The following AGBL1 variants were observed in gnomAD, a reference collection of about 807,000 sequenced individuals.
AGBL1 encodes the protein AGBL carboxypeptidase 1, also known as cytosolic carboxypeptidase 4.
A neutral mutation model predicts 118.9 loss-of-function variants in AGBL1; 130 were observed. The ratio of observed to expected loss-of-function variants is 1.09; its 90% confidence interval spans 0.95 to 1.26. The LOEUF is 1.26. Ranked by LOEUF, AGBL1 falls within the 50% of genes most tolerant of loss-of-function variation. AGBL1 has a pLI of 0.00. For missense variants in AGBL1, 1,584 were observed against 1,298.1 expected (o/e 1.22, Z -3.38); for synonymous variants, 555 against 478.9 (o/e 1.16, Z -2.08).
chr15:86,851,987 T>C (rs191135751), intron 22 of AGBL1, among the ~76,000 whole-genome samples: 8 of 152,290 alleles, frequency 5.3e-5, no homozygotes, highest in Admixed American at 4.6e-4. Flanking sequence ...TTGCTCACCA[T>C]TGTCATGGCA....
chr15:86,775,803 G>T (rs2078247775), intron 22 of AGBL1, among the ~76,000 whole-genome samples: 1 of 151,876 alleles, frequency 6.6e-6, no homozygotes, highest in Admixed American at 6.6e-5. Flanking sequence ...AAAACATTTA[G>T]AAAATATTAT....
chr15:86,525,977 C>A lies in AGBL1; in HGVS notation c.2685+3038C>A, dbSNP rs551979365. Among the ~76,000 whole-genome samples the A allele has an allele frequency of 3.3e-5, 5 of 152,146 alleles. No homozygotes were observed. In the South Asian group the frequency reaches 1.0e-3, roughly 32 times the overall value. ...TGCAAACTATACATCTGATAAAAGA[C>A]TAATATCCAAAATCTACAAGAAACT... On this transcript the variant is annotated intron_variant, in intron 19 of 22. Coordinates refer to ENST00000614907, the MANE Select transcript of AGBL1 (RefSeq NM_001386094.1).
intron 6 of AGBL1, among the ~76,000 whole-genome samples, chr15:86,237,486 T>C (rs1309057565): frequency 6.6e-6 from 1 of 152,142 alleles, no homozygotes; most frequent in African/African-American, 2.4e-5. Flanking sequence ...AGGTCTCTGA[T>C]TTTCTTCTTC....
intron 23 of AGBL1, among the ~76,000 whole-genome samples, chr15:86,949,795 G>T (rs2080860059): frequency 6.6e-6 from 1 of 152,016 alleles, no homozygotes; most frequent in Admixed American, 6.6e-5. Flanking sequence ...TAATTTATGA[G>T]CCTTTGTATA....
At chr15:86,437,642 C>A (rs8023402) in intron 18 of AGBL1, among the ~76,000 whole-genome samples, 1 of 152,148 alleles carries the variant, frequency 6.6e-6, no homozygotes, top group East Asian at 1.9e-4. Flanking sequence ...AGGCCTCTTA[C>A]AAGAACATCA....
chr15:86,182,967 A>C (rs983994929), intron 5 of AGBL1, among the ~76,000 whole-genome samples: 1 of 152,232 alleles, frequency 6.6e-6, no homozygotes, highest in Non-Finnish European at 1.5e-5. Context: ...GATGCTCCCC[A>C]TTATGGCTAA....
intron 1 of AGBL1, among the ~76,000 whole-genome samples, chr15:86,091,530 T>G (rs1896026520): frequency 6.6e-6 from 1 of 152,236 alleles, no homozygotes; most frequent in Admixed American, 6.5e-5. Context: ...TATGAAGTTA[T>G]CAATTCATAC....
intron 12 of AGBL1, 75 bp downstream of exon 12, chr15:86,266,532 C>T (rs1426565715): frequency 5.7e-6 from 6 of 1,049,836 alleles, no homozygotes; most frequent in Non-Finnish European, 8.3e-6. Context: ...GACATGTTTC[C>T]TGTTAATAAT....
At chr15:86,466,016 T>C (rs1247967263) in intron 18 of AGBL1, among the ~76,000 whole-genome samples, 2 of 152,198 alleles carry the variant, frequency 1.3e-5, no homozygotes, top group Non-Finnish European at 2.9e-5. Flanking sequence ...ACATGTGATG[T>C]CACCCCTGGA....
At chr15:86,210,375 G>A (rs545136203) in intron 5 of AGBL1, among the ~76,000 whole-genome samples, 1 of 152,142 alleles carries the variant, frequency 6.6e-6, no homozygotes, top group African/African-American at 2.4e-5. Flanking sequence ...TTGCTAGGTT[G>A]GGGAAATTCT....
At chr15:86,290,404 G>A (rs1330562170) in intron 16 of AGBL1, among the ~76,000 whole-genome samples, 1 of 147,400 alleles carries the variant, frequency 6.8e-6, no homozygotes, top group Non-Finnish European at 1.5e-5. Flanking sequence ...AGGATGGAGT[G>A]CAGTGACTTG....
chr15:86,894,934 T>TGG (rs985721461), intron 22 of AGBL1, among the ~76,000 whole-genome samples: 1 of 152,130 alleles, frequency 6.6e-6, no homozygotes, highest in Non-Finnish European at 1.5e-5. Context: ...TGAACAACTT[T>TGG]GTTCAAAGGG....
At chr15:86,748,456 CT>C (rs61413236) in intron 22 of AGBL1, among the ~76,000 whole-genome samples, 2,172 of 79,804 alleles carry the variant, frequency 0.027, 71 homozygotes, top group African/African-American at 0.088. Context: ...ATGGTAGTTT[CT>C]TTTGTTGTGC....
At chr15:86,500,872 G>T (rs534293750) in intron 18 of AGBL1, among the ~76,000 whole-genome samples, 18 of 151,792 alleles carry the variant, frequency 1.2e-4, no homozygotes, top group African/African-American at 3.6e-4. Flanking sequence ...ATTGTATGGG[G>T]ATACCACATT....
intron 1 of AGBL1, among the ~76,000 whole-genome samples, chr15:86,115,947 A>T (rs1897726140): frequency 6.6e-6 from 1 of 152,150 alleles, no homozygotes; most frequent in South Asian, 2.1e-4. Context: ...AGAAGATTTC[A>T]GTCATGTCAT....
At chr15:86,689,582 A>G (rs1459149939) in intron 22 of AGBL1, among the ~76,000 whole-genome samples, 1 of 152,102 alleles carries the variant, frequency 6.6e-6, no homozygotes, top group East Asian at 1.9e-4. Flanking sequence ...ATTGTTGTTC[A>G]TTGATGGAAT....
intron 22 of AGBL1, among the ~76,000 whole-genome samples, chr15:86,748,747 C>T (rs1439581230): frequency 6.6e-6 from 1 of 151,806 alleles, no homozygotes; most frequent in Non-Finnish European, 1.5e-5. Flanking sequence ...GTTTTCCCAG[C>T]ACCATTTATT....
chr15:86,496,661 T>G (rs189646696), intron 18 of AGBL1, among the ~76,000 whole-genome samples: 1 of 152,150 alleles, frequency 6.6e-6, no homozygotes, highest in African/African-American at 2.4e-5. Flanking sequence ...GTATTTTTTT[T>G]CCCTTTTGCC....
intron 22 of AGBL1, among the ~76,000 whole-genome samples, chr15:86,722,838 G>A (rs1200279639): frequency 6.6e-6 from 1 of 152,068 alleles, no homozygotes. Context: ...CAACAAGTGG[G>A]TGAAGGATAT....
Sources: gnomAD v4.1 joint callset for allele counts (sites outside exome capture counted in the v4.1 genomes callset) on GRCh38, gnomAD v4.1.1 for gene constraint, MANE v1.5 for transcripts, NCBI Gene and HGNC (gene_info 2026-07-23, HGNC 2026-07-21) for gene names.